ARHGAP10: variants seen among roughly 807,000 people sequenced by gnomAD.
The protein encoded by ARHGAP10 is Rho GTPase activating protein 10, also known as rho GTPase-activating protein 10.
Under a neutral mutation model 108.6 loss-of-function variants are expected in ARHGAP10, and 87 were observed. That is an observed-to-expected ratio of 0.80 (90% confidence interval 0.67 to 0.96). ARHGAP10 has a LOEUF of 0.96. Among genes scored for constraint, ARHGAP10 ranks in the 40% least tolerant of loss-of-function variants. The probability of loss-of-function intolerance (pLI) is 0.00; values close to 1 mark genes in which losing one functional copy is unlikely to be tolerated. For synonymous variants in ARHGAP10, 347 were observed against 341.1 expected, an observed-to-expected ratio of 1.02 and a Z score of -0.19; for missense variants, 939 against 954.5, an observed-to-expected ratio of 0.98 and a Z score of 0.21.
chr4:147,871,772 G>T (rs1404720582), intron 7 of ARHGAP10, among the ~76,000 whole-genome samples: 1 of 152,142 alleles, frequency 6.6e-6, no homozygotes, highest in African/African-American at 2.4e-5. Context: ...TTTATGCAAA[G>T]TTTTCAATTC....
intron 20 of ARHGAP10, among the ~76,000 whole-genome samples, chr4:148,047,388 T>C (rs532120580): frequency 8.5e-5 from 13 of 152,388 alleles, no homozygotes; most frequent in African/African-American, 3.1e-4. Flanking sequence ...GATGTGAGAA[T>C]GCATGCTGAT....
intron 20 of ARHGAP10, among the ~76,000 whole-genome samples, chr4:148,055,974 T>C (rs1578833963): frequency 6.6e-6 from 1 of 152,212 alleles, no homozygotes; most frequent in African/African-American, 2.4e-5. Flanking sequence ...CTGGTCTGTT[T>C]AATCCAGGGG....
intron 18 of ARHGAP10, among the ~76,000 whole-genome samples, chr4:148,003,901 T>TAAGCCA (rs1740838104): frequency 6.6e-6 from 1 of 152,206 alleles, no homozygotes; most frequent in African/African-American, 2.4e-5. Flanking sequence ...AGTGTAAGCC[T>TAAGCCA]AAATCAGCAA....
intron 1 of ARHGAP10, among the ~76,000 whole-genome samples, chr4:147,751,334 G>A (rs1729137810): frequency 6.6e-6 from 1 of 151,946 alleles, no homozygotes; most frequent in South Asian, 2.1e-4. Flanking sequence ...GATAATAATG[G>A]TGGTGTTTGT....
chr4:147,999,217 G>A (rs560413241), intron 18 of ARHGAP10, among the ~76,000 whole-genome samples: 1 of 152,270 alleles, frequency 6.6e-6, no homozygotes, highest in African/African-American at 2.4e-5. Context: ...TGCTAATTAG[G>A]CAAAAACAGG....
At chr4:147,974,806 G>C (rs917409838) in intron 18 of ARHGAP10, among the ~76,000 whole-genome samples, 1 of 152,168 alleles carries the variant, frequency 6.6e-6, no homozygotes, top group Non-Finnish European at 1.5e-5. Flanking sequence ...GGCTGGGGAG[G>C]CCTCACAATC....
intron 1 of ARHGAP10, among the ~76,000 whole-genome samples, chr4:147,777,927 C>T (rs1286984620): frequency 6.6e-6 from 1 of 152,170 alleles, no homozygotes; most frequent in Non-Finnish European, 1.5e-5. Context: ...TTGGAATCCT[C>T]ATGCTAGAAA....
At chr4:147,973,464 A>G (rs1241811686) in intron 18 of ARHGAP10, among the ~76,000 whole-genome samples, 1 of 152,184 alleles carries the variant, frequency 6.6e-6, no homozygotes, top group Non-Finnish European at 1.5e-5. Flanking sequence ...GAGGCATGCC[A>G]TGGGTAATAA....
intron 10 of ARHGAP10, among the ~76,000 whole-genome samples, chr4:147,895,531 A>AT: frequency 6.6e-6 from 1 of 151,124 alleles, no homozygotes; most frequent in South Asian, 2.1e-4. Flanking sequence ...AAAAAAAAAA[A>AT]AAAATTAGCC....
At chr4:147,798,358 A>T (rs1196320823) in intron 1 of ARHGAP10, among the ~76,000 whole-genome samples, 1 of 152,140 alleles carries the variant, frequency 6.6e-6, no homozygotes, top group Non-Finnish European at 1.5e-5. Context: ...CCCTCCTTAG[A>T]TTATAAACTC....
chr4:148,025,790 T>A (rs1741743802), intron 19 of ARHGAP10, among the ~76,000 whole-genome samples: 1 of 152,196 alleles, frequency 6.6e-6, no homozygotes, highest in Admixed American at 6.5e-5. Context: ...ACTTGAAGGT[T>A]TCAAAAAGTT....
intron 18 of ARHGAP10, among the ~76,000 whole-genome samples, chr4:148,017,731 CATAG>C (rs925238994): frequency 9.5e-5 from 14 of 147,988 alleles, no homozygotes; most frequent in Admixed American, 4.8e-4. Flanking sequence ...GATATCATTA[CATAG>C]ATAGATACTG....
In ARHGAP10 at chr4:147,924,984, TA is replaced by T. The variant is rs762141450; in HGVS notation, c.1228+11849del. On this transcript the variant is annotated intron_variant, in intron 13 of 22. Transcript: ENST00000336498. ...GAAGAACTTTCTATTTTTTTTTTTT[TA>T]AAATAGCAATTTACATTGGGAAATA... Among the ~76,000 whole-genome samples, 1,129 of 151,706 alleles carry T rather than the reference TA, an allele frequency of 7.4e-3. 12 individuals carry two copies. Among genetic ancestry groups the T allele is most frequent in the African/African-American group, 0.026 (1,064 of 41,194 alleles).
intron 19 of ARHGAP10, among the ~76,000 whole-genome samples, chr4:148,043,831 TA>T (rs1728762369): frequency 6.7e-6 from 1 of 149,590 alleles, no homozygotes; most frequent in Non-Finnish European, 1.5e-5. Flanking sequence ...GAACATAGAA[TA>T]TTTTTTAAGT....
chr4:148,066,573 C>G (rs1293751831), intron 22 of ARHGAP10, among the ~76,000 whole-genome samples: 1 of 152,222 alleles, frequency 6.6e-6, no homozygotes, highest in African/African-American at 2.4e-5. Flanking sequence ...CATACATAGT[C>G]ACACATTTGT....
chr4:147,927,920 C>A (rs757659479), intron 13 of ARHGAP10, among the ~76,000 whole-genome samples: 1 of 152,190 alleles, frequency 6.6e-6, no homozygotes. Context: ...CTAATGAAAT[C>A]GGAAACTCCC....
At chr4:147,872,217 G>A (rs1230047910) in intron 7 of ARHGAP10, among the ~76,000 whole-genome samples, 1 of 152,062 alleles carries the variant, frequency 6.6e-6, no homozygotes, top group Non-Finnish European at 1.5e-5. Context: ...GGATGGTGGA[G>A]TGGTGATGAG....
intron 10 of ARHGAP10, among the ~76,000 whole-genome samples, chr4:147,899,356 T>G (rs1441270634): frequency 6.7e-6 from 1 of 149,094 alleles, no homozygotes; most frequent in African/African-American, 2.6e-5. Flanking sequence ...TGTGTCTGTG[T>G]CTGTGTGTCT....
chr4:147,879,106 T>C, intron 8 of ARHGAP10, 126 bp from the exon 9 acceptor site: 1 of 683,110 alleles, frequency 1.5e-6, no homozygotes. Context: ...TATTGCTGAT[T>C]TGTTTCATTG....
Sources: gnomAD v4.1 joint callset for allele counts (sites outside exome capture counted in the v4.1 genomes callset) on GRCh38, gnomAD v4.1.1 for gene constraint, MANE v1.5 for transcripts, NCBI Gene and HGNC (gene_info 2026-07-23, HGNC 2026-07-21) for gene names.